The following PPFIA2 variants were observed in gnomAD, a reference collection of about 807,000 sequenced individuals.
PPFIA2 encodes the protein PPFI scaffold protein A2.
PPFIA2 carries 46 observed loss-of-function variants against 175.5 expected under a neutral mutation model. That is an observed-to-expected ratio of 0.26 (90% CI 0.21 to 0.34). PPFIA2 has a LOEUF of 0.34. Ranked by LOEUF, PPFIA2 falls within the 10% of genes least tolerant of loss-of-function variation. The pLI is 1.00. For missense variants in PPFIA2, 1,179 were observed against 1,506.1 expected, an observed-to-expected ratio of 0.78 and a Z score of 3.60; for synonymous variants, 568 against 511.4, an observed-to-expected ratio of 1.11 and a Z score of -1.49.
chr12:81,272,949 T>C (rs1407723615), intron 28 of PPFIA2, among the ~76,000 whole-genome samples: 1 of 152,188 alleles, frequency 6.6e-6, no homozygotes, highest in Non-Finnish European at 1.5e-5. Context: ...ACCTCAAATA[T>C]ACATAATAAA....
At chr12:81,504,673 T>C (rs2060952026) in intron 4 of PPFIA2, among the ~76,000 whole-genome samples, 1 of 152,164 alleles carries the variant, frequency 6.6e-6, no homozygotes, top group Non-Finnish European at 1.5e-5. Context: ...TAAATCATTC[T>C]ACTATAAGGA....
At chr12:81,278,574 A>T (rs1322913553) in intron 27 of PPFIA2, among the ~76,000 whole-genome samples, 1 of 152,142 alleles carries the variant, frequency 6.6e-6, no homozygotes, top group African/African-American at 2.4e-5. Context: ...TTTAAGGAAA[A>T]GTAATCTCAT....
intron 17 of PPFIA2, among the ~76,000 whole-genome samples, chr12:81,349,471 G>T (rs1021322187): frequency 3.9e-5 from 6 of 152,038 alleles, no homozygotes; most frequent in Admixed American, 6.6e-5. Flanking sequence ...TCACCCCAAG[G>T]TCAGAACTCC....
chr12:81,540,542 A>G (rs1231790958), intron 4 of PPFIA2, among the ~76,000 whole-genome samples: 1 of 152,054 alleles, frequency 6.6e-6, no homozygotes, highest in African/African-American at 2.4e-5. Context: ...TCTTTCATTA[A>G]GGGAAGAAAC....
In PPFIA2 at chr12:81,633,950, G is replaced by A. The variant is rs116574199; in HGVS notation, c.303+42841C>T. On this transcript the variant is annotated intron_variant, in intron 4 of 32. Transcript: ENST00000549396. ...GGTACTTAAAACTCTGTCAGACAAT[G>A]CTTTGGCAATGCTTGGAGGTGAACA... Among the ~76,000 whole-genome samples, 448 of 152,188 alleles carry A rather than the reference G, an allele frequency of 2.9e-3. 4 individuals are homozygous for A. Among genetic ancestry groups the A allele is most frequent in the African/African-American group, 0.01 (426 of 41,576 alleles).
intron 4 of PPFIA2, among the ~76,000 whole-genome samples, chr12:81,538,144 C>T (rs1354713026): frequency 6.6e-6 from 1 of 151,846 alleles, no homozygotes; most frequent in Non-Finnish European, 1.5e-5. Context: ...GAACTTGTTT[C>T]CTCCCTTGCA....
intron 6 of PPFIA2, among the ~76,000 whole-genome samples, chr12:81,441,883 A>G (rs2050237227): frequency 6.6e-6 from 1 of 152,140 alleles, no homozygotes; most frequent in Non-Finnish European, 1.5e-5. Flanking sequence ...AACGCTGATC[A>G]TATCACACTT....
intron 30 of PPFIA2, among the ~76,000 whole-genome samples, chr12:81,266,682 C>T (rs10778808): frequency 0.19 from 29,478 of 151,942 alleles, 2,957 homozygotes; most frequent in East Asian, 0.24. Context: ...TGTTGCCCAA[C>T]GTTTTGCAGT....
At chr12:81,332,037 A>G (rs2056229900) in intron 21 of PPFIA2, among the ~76,000 whole-genome samples, 1 of 152,026 alleles carries the variant, frequency 6.6e-6, no homozygotes, top group African/African-American at 2.4e-5. Flanking sequence ...AAATGTTTAA[A>G]TATTTCTGTC....
At chr12:81,741,829 T>C (rs2082360378) in intron 3 of PPFIA2, among the ~76,000 whole-genome samples, 1 of 152,066 alleles carries the variant, frequency 6.6e-6, no homozygotes, top group Non-Finnish European at 1.5e-5. Flanking sequence ...TACACTATAC[T>C]AGGTGGTTAT....
chr12:81,699,883 A>T (rs1169121844), intron 3 of PPFIA2, among the ~76,000 whole-genome samples: 1 of 152,038 alleles, frequency 6.6e-6, no homozygotes, highest in Non-Finnish European at 1.5e-5. Context: ...CTGCATCCAC[A>T]TTTCTATTGA....
At chr12:81,314,975 T>A (rs1484310648) in intron 22 of PPFIA2, among the ~76,000 whole-genome samples, 2 of 151,650 alleles carry the variant, frequency 1.3e-5, no homozygotes, top group African/African-American at 4.8e-5. Flanking sequence ...ACAAAATGAC[T>A]AAGAAAATGG....
chr12:81,473,551 C>T (rs889470547), intron 4 of PPFIA2, among the ~76,000 whole-genome samples: 11 of 152,184 alleles, frequency 7.2e-5, no homozygotes, highest in African/African-American at 2.7e-4. Flanking sequence ...TACTCCTTCG[C>T]CTGAGACATG....
At chr12:81,713,505 A>T (rs1044397793) in intron 3 of PPFIA2, among the ~76,000 whole-genome samples, 1 of 151,214 alleles carries the variant, frequency 6.6e-6, no homozygotes, top group African/African-American at 2.4e-5. Flanking sequence ...ACCTTTAATT[A>T]ACTAATACTC....
chr12:81,552,661 G>A (rs1183387064), intron 4 of PPFIA2, among the ~76,000 whole-genome samples: 1 of 151,938 alleles, frequency 6.6e-6, no homozygotes, highest in Admixed American at 6.6e-5. Flanking sequence ...ATTCATGTGT[G>A]TAGCTTTCCA....
At chr12:81,578,171 GA>G (rs2073878302) in intron 4 of PPFIA2, among the ~76,000 whole-genome samples, 1 of 151,668 alleles carries the variant, frequency 6.6e-6, no homozygotes. Context: ...GCAATCAAGA[GA>G]GGTAGGTAGA....
At chr12:81,300,428 ATTAG>A (rs1288112046) in intron 22 of PPFIA2, among the ~76,000 whole-genome samples, 5 of 152,202 alleles carry the variant, frequency 3.3e-5, no homozygotes, top group African/African-American at 9.6e-5. Flanking sequence ...CTATTAATCA[ATTAG>A]TTACTGTGGT....
At chr12:81,378,515 A>G (rs1454677823) in intron 9 of PPFIA2, among the ~76,000 whole-genome samples, 1 of 152,226 alleles carries the variant, frequency 6.6e-6, no homozygotes, top group Non-Finnish European at 1.5e-5. Context: ...CCTACTATTT[A>G]AAAAGCTATT....
intron 3 of PPFIA2, among the ~76,000 whole-genome samples, chr12:81,681,708 T>A (rs2073665394): frequency 7.4e-6 from 1 of 136,032 alleles, no homozygotes; most frequent in Non-Finnish European, 1.7e-5. Context: ...TTCCTTTGTG[T>A]GCAAGTGAAA....
Sources: allele counts gnomAD v4.1 joint callset (sites outside exome capture counted in the v4.1 genomes callset), GRCh38; gene constraint gnomAD v4.1.1; transcripts MANE v1.5; gene names NCBI Gene and HGNC (gene_info 2026-07-23, HGNC 2026-07-21).